The following CTXND1 variants were observed in gnomAD, a reference collection of about 807,000 sequenced individuals.
CTXND1 encodes the protein cortexin domain-containing 1 protein.
chr15:80,250,269 GAC>G (rs1488105711), intron 1 of CTXND1, among the ~76,000 whole-genome samples: 1 of 151,884 alleles, frequency 6.6e-6, no homozygotes, highest in African/African-American at 2.4e-5. Flanking sequence ...GAACTGGAAA[GAC>G]ACACGCAATT....
At chr15:80,234,685 C>G in intron 1 of CTXND1, among the ~76,000 whole-genome samples, 1 of 152,106 alleles carries the variant, frequency 6.6e-6, no homozygotes, top group East Asian at 1.9e-4. Flanking sequence ...ACCATGTTGA[C>G]CAGGCTGGTC....
At chr15:80,241,126 G>A (rs1483750526) in intron 1 of CTXND1, among the ~76,000 whole-genome samples, 1 of 152,158 alleles carries the variant, frequency 6.6e-6, no homozygotes, top group Non-Finnish European at 1.5e-5. Context: ...AGAGATGGGG[G>A]CAACTACCGG....
At chr15:80,242,945 C>A (rs1270141471) in intron 1 of CTXND1, among the ~76,000 whole-genome samples, 3 of 152,224 alleles carry the variant, frequency 2.0e-5, no homozygotes, top group Non-Finnish European at 4.4e-5. Context: ...AAGAAGTAGG[C>A]TGTGAGTTAG....
chr15:80,237,995 T>A (rs1458664833), intron 1 of CTXND1, among the ~76,000 whole-genome samples: 1 of 104,812 alleles, frequency 9.5e-6, no homozygotes, highest in East Asian at 2.9e-4. Flanking sequence ...GGAGACAGAG[T>A]GAGACTCCAT....
chr15:80,226,978 CTT>C (rs1188300621), intron 1 of CTXND1, among the ~76,000 whole-genome samples: 1 of 152,150 alleles, frequency 6.6e-6, no homozygotes, highest in Non-Finnish European at 1.5e-5. Flanking sequence ...TTCCCCATCT[CTT>C]TGCTCTTTGC....
At chr15:80,242,225 C>T (rs995959412) in intron 1 of CTXND1, among the ~76,000 whole-genome samples, 2 of 152,162 alleles carry the variant, frequency 1.3e-5, no homozygotes, top group Non-Finnish European at 2.9e-5. Context: ...AGAGGAGAGG[C>T]CCTAAAACGA....
rs2041442591 is a variant in CTXND1 at position 80,200,373 on chromosome 15, G to A, written c.*1397C>T. ...CTCAGAGAGGCTGAGTGAGTTATTTGGGGTCCTCTAACAAGGAAGTAGAGG... is the reference window on the plus strand; with the variant it reads ...CTCAGAGAGGCTGAGTGAGTTATTTAGGGTCCTCTAACAAGGAAGTAGAGG... On this transcript the variant is annotated 3_prime_UTR_variant, in exon 3 of 3. Transcript: ENST00000560778. The A allele has an allele frequency of 6.6e-6, 1 of 152,130 alleles. No individual in the cohort carries two copies. Among genetic ancestry groups the A allele is most frequent in the Non-Finnish European group, 1.5e-5 (1 of 68,034 alleles). The allele number at this position is 152,130 out of a possible 1,614,324, so 9.4% of individuals were successfully genotyped here.
At chr15:80,230,200 GCAGTGTAATCATA>G (rs1229431953) in intron 1 of CTXND1, among the ~76,000 whole-genome samples, 1 of 152,220 alleles carries the variant, frequency 6.6e-6, no homozygotes, top group Admixed American at 6.5e-5. Context: ...CAGATCCGCA[GCAGTGTAATCATA>G]CAGTGCATCT....
chr15:80,234,647 T>G (rs2141460421), intron 1 of CTXND1, among the ~76,000 whole-genome samples: 1 of 152,112 alleles, frequency 6.6e-6, no homozygotes, highest in East Asian at 1.9e-4. Context: ...CTGGCTAATG[T>G]TTGTATTTTT....
At chr15:80,208,231 TCTTA>T (rs1475276825) in intron 1 of CTXND1, among the ~76,000 whole-genome samples, 2 of 152,238 alleles carry the variant, frequency 1.3e-5, no homozygotes, top group African/African-American at 4.8e-5. Context: ...CATGGAATAC[TCTTA>T]CTTCACTGGA....
intron 1 of CTXND1, among the ~76,000 whole-genome samples, chr15:80,223,686 G>T (rs536045265): frequency 6.6e-6 from 1 of 152,030 alleles, no homozygotes; most frequent in Non-Finnish European, 1.5e-5. Flanking sequence ...AGTCCCAGTC[G>T]CTCTGCATCC....
intron 1 of CTXND1, among the ~76,000 whole-genome samples, chr15:80,246,632 G>A (rs1455989763): frequency 3.0e-5 from 2 of 67,776 alleles, no homozygotes; most frequent in Non-Finnish European, 6.3e-5. Flanking sequence ...AGAATGAACT[G>A]TGGACTTTGG....
rs1014992954 is a variant in CTXND1 at position 80,248,979 on chromosome 15, G to A, written c.-218+3028C>T. 5.3e-4 allele frequency among the ~76,000 whole-genome samples: 81 copies of A among 151,672 alleles called. 1 individual carries two copies. Among genetic ancestry groups the A allele is most frequent in the African/African-American group, 1.9e-3 (80 of 41,234 alleles). ...TTTTTTTTAATTTGGTAGAGACAGGGTCTCACTATGTTGCCCAGGCTGGAG... is the reference window on the plus strand; with the variant it reads ...TTTTTTTTAATTTGGTAGAGACAGGATCTCACTATGTTGCCCAGGCTGGAG... On this transcript the variant is annotated intron_variant, in intron 1 of 2. Transcript: ENST00000560778.
At chr15:80,249,892 C>T (rs1893674888) in intron 1 of CTXND1, among the ~76,000 whole-genome samples, 4 of 152,186 alleles carry the variant, frequency 2.6e-5, no homozygotes, top group South Asian at 2.1e-4. Flanking sequence ...TTTGCAGACA[C>T]GGACCGGTTC....
At chr15:80,235,017 G>A (rs1168666029) in intron 1 of CTXND1, among the ~76,000 whole-genome samples, 1 of 152,140 alleles carries the variant, frequency 6.6e-6, no homozygotes, top group Non-Finnish European at 1.5e-5. Flanking sequence ...CCTGGTGGCT[G>A]GGTGACCTTG....
intron 1 of CTXND1, among the ~76,000 whole-genome samples, chr15:80,236,371 A>G (rs548474170): frequency 2.6e-5 from 4 of 152,294 alleles, no homozygotes; most frequent in African/African-American, 9.6e-5. Flanking sequence ...CACACTGTCT[A>G]TGGCTGCCTT....
intron 1 of CTXND1, among the ~76,000 whole-genome samples, chr15:80,243,516 T>C (rs150732724): frequency 6.2e-4 from 94 of 152,312 alleles, no homozygotes; most frequent in African/African-American, 1.9e-3. Flanking sequence ...CCAGTAGCTA[T>C]AGCAGATGCC....
At chr15:80,236,344 C>A (rs566080443) in intron 1 of CTXND1, among the ~76,000 whole-genome samples, 14 of 152,248 alleles carry the variant, frequency 9.2e-5, no homozygotes, top group African/African-American at 3.1e-4. Context: ...GGGAACACAG[C>A]AGTGCCTGTT....
chr15:80,214,977 T>C (rs997202122), intron 1 of CTXND1, among the ~76,000 whole-genome samples: 2 of 152,206 alleles, frequency 1.3e-5, no homozygotes, highest in African/African-American at 2.4e-5. Flanking sequence ...AAAAATATAA[T>C]GAGGCAGTAC....
Sources: gnomAD v4.1 joint callset for allele counts (sites outside exome capture counted in the v4.1 genomes callset) on GRCh38, gnomAD v4.1.1 for gene constraint, MANE v1.5 for transcripts, NCBI Gene and HGNC (gene_info 2026-07-23, HGNC 2026-07-21) for gene names.